AGBL4: variants seen among roughly 807,000 people sequenced by gnomAD.
The protein encoded by AGBL4 is AGBL carboxypeptidase 4, also known as cytosolic carboxypeptidase 6.
Under a neutral mutation model 66.4 loss-of-function variants are expected in AGBL4, and 58 were observed. That is an observed-to-expected ratio of 0.87 (90% CI 0.71 to 1.09). The LOEUF is 1.09. Among genes scored for constraint, AGBL4 ranks in the 50% least tolerant of loss-of-function variants. AGBL4 has a pLI of 0.00. For missense variants in AGBL4, 579 were observed against 631.0 expected (o/e 0.92, Z 0.88); for synonymous variants, 234 against 222.9 (o/e 1.05, Z -0.44).
At chr1:48,633,996 C>T (rs1480365948) in intron 9 of AGBL4, among the ~76,000 whole-genome samples, 1 of 152,160 alleles carries the variant, frequency 6.6e-6, no homozygotes, top group African/African-American at 2.4e-5. Context: ...CCTGTCCTCC[C>T]GACTAGGTCA....
At chr1:49,112,194 A>G (rs1024570184) in intron 4 of AGBL4, among the ~76,000 whole-genome samples, 6 of 152,234 alleles carry the variant, frequency 3.9e-5, no homozygotes, top group Admixed American at 6.5e-5. Flanking sequence ...CTCAGTAGCT[A>G]ATAGTTGTAA....
chr1:48,752,016 C>A (rs1651818216), intron 6 of AGBL4, among the ~76,000 whole-genome samples: 1 of 152,206 alleles, frequency 6.6e-6, no homozygotes, highest in Non-Finnish European at 1.5e-5. Context: ...TACTCCACTT[C>A]TTATTACTAG....
At position 49,375,152 on chromosome 1, in the gene AGBL4, G is replaced by A. The variant is rs141643016; in HGVS notation, c.283-129288C>T. On this transcript the variant is annotated intron_variant, in intron 3 of 13. Transcript: ENST00000371839. ...GTTTGTAAAACAATTCTGAACAACTGCTTTTGCTTGGGGCCTGTGAGAATA... is the reference window on the plus strand; with the variant it reads ...GTTTGTAAAACAATTCTGAACAACTACTTTTGCTTGGGGCCTGTGAGAATA... Among the ~76,000 whole-genome samples, 425 of 152,160 alleles carry A rather than the reference G, an allele frequency of 2.8e-3. 2 individuals carry two copies. Among genetic ancestry groups the A allele is most frequent in the Non-Finnish European group, 4.1e-3 (282 of 67,996 alleles).
intron 5 of AGBL4, among the ~76,000 whole-genome samples, chr1:49,042,520 AG>A (rs1643970132): frequency 6.6e-6 from 1 of 152,196 alleles, no homozygotes; most frequent in South Asian, 2.1e-4. Flanking sequence ...GATGAGTTCT[AG>A]TAAATGACAG....
chr1:49,436,245 C>T (rs945391189), intron 3 of AGBL4, among the ~76,000 whole-genome samples: 1 of 151,864 alleles, frequency 6.6e-6, no homozygotes, highest in Admixed American at 6.6e-5. Context: ...ATCTAGAAGT[C>T]GGTAAGTATA....
chr1:49,951,796 T>C (rs1656179551), intron 1 of AGBL4, among the ~76,000 whole-genome samples: 1 of 152,006 alleles, frequency 6.6e-6, no homozygotes, highest in Non-Finnish European at 1.5e-5. Flanking sequence ...CATTACATTG[T>C]ACACTGTAAC....
intron 5 of AGBL4, among the ~76,000 whole-genome samples, chr1:48,904,402 G>A (rs1254252726): frequency 6.6e-6 from 1 of 152,206 alleles, no homozygotes; most frequent in Non-Finnish European, 1.5e-5. Context: ...ATTGCTCAAA[G>A]TCTAGTGTTT....
At chr1:49,874,424 A>G (rs1210125967) in intron 1 of AGBL4, among the ~76,000 whole-genome samples, 7 of 152,164 alleles carry the variant, frequency 4.6e-5, no homozygotes, top group Non-Finnish European at 8.8e-5. Context: ...ATTAGTGTGT[A>G]TATTTTCCAG....
At chr1:49,158,359 C>T (rs1414213197) in intron 4 of AGBL4, among the ~76,000 whole-genome samples, 3 of 147,212 alleles carry the variant, frequency 2.0e-5, no homozygotes, top group Non-Finnish European at 4.5e-5. Context: ...AGCTTCTGCA[C>T]AGCAAAAAAA....
chr1:49,334,707 A>T (rs1337857369), intron 3 of AGBL4, among the ~76,000 whole-genome samples: 1 of 152,188 alleles, frequency 6.6e-6, no homozygotes, highest in Non-Finnish European at 1.5e-5. Context: ...GATTCTCCCT[A>T]GGAATTAGGC....
At chr1:49,722,363 C>G (rs1417949338) in intron 2 of AGBL4, among the ~76,000 whole-genome samples, 1 of 152,152 alleles carries the variant, frequency 6.6e-6, no homozygotes, top group African/African-American at 2.4e-5. Context: ...AGCCTTCAGG[C>G]TTCTTTAGCA....
intron 3 of AGBL4, among the ~76,000 whole-genome samples, chr1:49,310,201 G>C (rs1192632422): frequency 3.9e-5 from 6 of 152,092 alleles, no homozygotes. Flanking sequence ...CAATGTGCCA[G>C]ATTAAGTAGT....
At chr1:49,373,440 A>G (rs986737232) in intron 3 of AGBL4, among the ~76,000 whole-genome samples, 3 of 152,182 alleles carry the variant, frequency 2.0e-5, no homozygotes, top group African/African-American at 7.2e-5. Context: ...AAGTCCTAAG[A>G]AAGAGCAGAG....
intron 4 of AGBL4, among the ~76,000 whole-genome samples, chr1:49,212,207 A>G (rs1229049916): frequency 6.6e-6 from 1 of 152,138 alleles, no homozygotes; most frequent in Non-Finnish European, 1.5e-5. Flanking sequence ...CAAGAAGAAG[A>G]AATTTTCTCT....
In AGBL4 at chr1:49,256,941, C is replaced by A. The variant is rs1000104820; in HGVS notation, c.283-11077G>T. ...TGGAACAAACCAAGCTGGGTCTCTA[C>A]CTAGCACCAAATACAGAAATAAAAC... On this transcript the variant is annotated intron_variant, in intron 3 of 13. Coordinates refer to ENST00000371839, the MANE Select transcript of AGBL4 (RefSeq NM_032785.4). Among the ~76,000 whole-genome samples, 4 of 151,958 alleles carry A rather than the reference C, an allele frequency of 2.6e-5. No individual in the cohort carries two copies. In the South Asian group the frequency reaches 6.2e-4, roughly 24 times the overall value.
chr1:49,460,439 A>G (rs1646486889), intron 3 of AGBL4, among the ~76,000 whole-genome samples: 1 of 151,660 alleles, frequency 6.6e-6, no homozygotes, highest in Non-Finnish European at 1.5e-5. Context: ...ATTTACATGG[A>G]ATATCTTTTT....
chr1:48,954,005 T>C (rs1483577884), intron 5 of AGBL4, among the ~76,000 whole-genome samples: 1 of 152,202 alleles, frequency 6.6e-6, no homozygotes, highest in Non-Finnish European at 1.5e-5. Context: ...GTACGATTGT[T>C]CTAGCTGCCC....
intron 2 of AGBL4, among the ~76,000 whole-genome samples, chr1:49,794,206 A>C (rs1314946851): frequency 6.6e-6 from 1 of 151,928 alleles, no homozygotes; most frequent in East Asian, 1.9e-4. Flanking sequence ...TCACCACTAA[A>C]ATAAAAAATA....
At chr1:49,599,834 A>C (rs1307685265) in intron 3 of AGBL4, among the ~76,000 whole-genome samples, 1 of 152,132 alleles carries the variant, frequency 6.6e-6, no homozygotes, top group Non-Finnish European at 1.5e-5. Context: ...ATTGCTTTCA[A>C]AGAACTTACA....
Sources: allele counts gnomAD v4.1 joint callset (sites outside exome capture counted in the v4.1 genomes callset), GRCh38; gene constraint gnomAD v4.1.1; transcripts MANE v1.5; gene names NCBI Gene and HGNC (gene_info 2026-07-23, HGNC 2026-07-21).